The following PCDHA3 variants were observed in gnomAD, a reference collection of about 807,000 sequenced individuals.
PCDHA3 encodes protocadherin alpha-3.
PCDHA3 carries 41 observed loss-of-function variants against 62.2 expected under a neutral mutation model. That is an observed-to-expected ratio of 0.66 (90% CI 0.51 to 0.86). PCDHA3 has a LOEUF of 0.86. PCDHA3 is among the 40% of genes least tolerant of loss of function. The pLI is 0.00. For missense variants in PCDHA3, 1,304 were observed against 1,241.2 expected, an observed-to-expected ratio of 1.05 and a Z score of -0.76; for synonymous variants, 640 against 555.4, an observed-to-expected ratio of 1.15 and a Z score of -2.14.
rs2150161509 is a variant in PCDHA3, at chr5:140,828,980, C to T, written c.2394+25389C>T. On this transcript the variant is annotated intron_variant, in intron 1 of 3. Transcript: ENST00000522353. ...GGTTATTGACCACTTTAGCATAGAT[C>T]GAAATACGGGAGAAATAGTGATTCG... 18 of 1,613,888 alleles carry T rather than the reference C, an allele frequency of 1.1e-5. No homozygotes were observed. In the African/African-American group the frequency reaches 1.7e-4, roughly 16 times the overall value.
chr5:140,991,075 G>A (rs2097430816), intron 3 of PCDHA3, among the ~76,000 whole-genome samples: 1 of 152,134 alleles, frequency 6.6e-6, no homozygotes, highest in Non-Finnish European at 1.5e-5. Flanking sequence ...CCATGTTTCA[G>A]ATAAAAAAAT....
chr5:140,881,300 T>C, intron 1 of PCDHA3: 3 of 957,608 alleles, frequency 3.1e-6, no homozygotes, highest in Non-Finnish European at 3.7e-6. Flanking sequence ...ATGGAAACTT[T>C]AACCTCCTGG....
At chr5:140,806,254 A>G (rs1424134270) in intron 1 of PCDHA3, among the ~76,000 whole-genome samples, 1 of 152,206 alleles carries the variant, frequency 6.6e-6, no homozygotes, top group Non-Finnish European at 1.5e-5. Context: ...AAGCTATTGG[A>G]AGCAGGAAAT....
At chr5:140,949,009 G>A (rs1563235030) in intron 1 of PCDHA3, among the ~76,000 whole-genome samples, 1 of 151,574 alleles carries the variant, frequency 6.6e-6, no homozygotes, top group Non-Finnish European at 1.5e-5. Context: ...ATTTTTATAT[G>A]TGATGTTTTT....
chr5:140,807,783 C>A (rs782393420), intron 1 of PCDHA3: 2 of 1,614,144 alleles, frequency 1.2e-6, no homozygotes, highest in Non-Finnish European at 1.7e-6. Context: ...TTACGGAAAT[C>A]TTTAGACAGA....
rs370676797 is a variant in PCDHA3, at chr5:141,009,968, A to G, written c.*31A>G. On this transcript the variant is annotated 3_prime_UTR_variant, in exon 4 of 4. Transcript: ENST00000522353. ...TCAAATGGAAACAAGCCACTTAGCC[A>G]GTTTTTGTAATAATGGCAAATCTCT... 1.4e-5 allele frequency: 22 copies of G among 1,586,626 alleles called. No homozygotes were observed. The highest frequency in any genetic ancestry group is 1.6e-5 in the Non-Finnish European group (19 of 1,169,786).
intron 1 of PCDHA3, chr5:140,871,628 T>C: frequency 7.1e-7 from 1 of 1,401,496 alleles, no homozygotes; most frequent in South Asian, 1.5e-5. Flanking sequence ...GATAACAATG[T>C]CTGTTCATAA....
intron 1 of PCDHA3, among the ~76,000 whole-genome samples, chr5:140,887,132 T>A (rs2061321769): frequency 6.6e-6 from 1 of 151,950 alleles, no homozygotes; most frequent in Non-Finnish European, 1.5e-5. Context: ...AGTCTCACTC[T>A]GTCGCCCAGG....
intron 1 of PCDHA3, among the ~76,000 whole-genome samples, chr5:140,900,452 T>A (rs2068062293): frequency 6.6e-6 from 1 of 152,222 alleles, no homozygotes; most frequent in South Asian, 2.1e-4. Flanking sequence ...TAATTTTTTA[T>A]TTTTAGTAGA....
In PCDHA3 at chr5:140,843,412, C is replaced by G. The variant is rs2150359416; in HGVS notation, c.2394+39821C>G. On this transcript the variant is annotated intron_variant, in intron 1 of 3. Transcript: ENST00000522353. ...CGGAAGCGGCGCTGGTGGATGTCAA[C>G]GTGTACCTGATCATCGCCATCTGCG... is the stretch of plus-strand genomic sequence containing the variant. 36 of 1,595,950 alleles carry G rather than the reference C, an allele frequency of 2.3e-5. 4 individuals carry two copies. The highest frequency in any genetic ancestry group is 6.6e-5 in the South Asian group (6 of 90,510).
intron 1 of PCDHA3, chr5:140,875,905 T>C (rs1554168057): frequency 2.0e-5 from 32 of 1,614,104 alleles, no homozygotes; most frequent in Non-Finnish European, 1.6e-5. Flanking sequence ...TGTTTCTGAA[T>C]CTGCGCCTCT....
chr5:140,856,920 A>T (rs1554149295), intron 1 of PCDHA3: 1 of 1,595,604 alleles, frequency 6.3e-7, no homozygotes, highest in Admixed American at 1.7e-5. Flanking sequence ...ATAAGAAGGA[A>T]ATTTTGGATA....
chr5:140,925,964 CA>C lies in PCDHA3; in HGVS notation c.2395-52976del, dbSNP rs782520997. Among the ~76,000 whole-genome samples the C allele has an allele frequency of 8.1e-3, 1,224 of 150,190 alleles. 5 individuals carry two copies. The highest frequency in any genetic ancestry group is 0.019 in the African/African-American group (788 of 40,962). ...TGGAGAAGGAGAAACTGCTATCACG[CA>C]AAAAAAAAGCCTTGAGCTCGCTGGC... On this transcript the variant is annotated intron_variant, in intron 1 of 3. Transcript: ENST00000522353.
At chr5:140,943,008 G>A (rs2093405058) in intron 1 of PCDHA3, among the ~76,000 whole-genome samples, 2 of 152,052 alleles carry the variant, frequency 1.3e-5, no homozygotes, top group African/African-American at 4.8e-5. Context: ...TGTAATCCCA[G>A]CACTTTGGGA....
At chr5:140,823,458 G>T (rs1767715131) in intron 1 of PCDHA3, 1 of 1,613,278 alleles carries the variant, frequency 6.2e-7, no homozygotes, top group African/African-American at 1.3e-5. Flanking sequence ...ACGACAACGC[G>T]CCGGCGCTGC....
Position 140,802,426 on chromosome 5 carries a change from A to G in PCDHA3, c.1229A>G (p.Asp410Gly). ...TFKNYYSLVL[D>G]SPLDRESVSA... ...AAGAATTACTACTCATTGGTGCTGGACAGCCCTCTGGACCGCGAGAGCGTG... is the reference window on the plus strand; with the variant it reads ...AAGAATTACTACTCATTGGTGCTGGGCAGCCCTCTGGACCGCGAGAGCGTG... Residue 410 changes from aspartate to glycine, a missense_variant, in exon 1 of 4, where the codon GAC (aspartate) becomes GGC (glycine). Asp to Gly is a moderately conservative substitution (Grantham distance 94). Coordinates refer to ENST00000522353, the MANE Select transcript of PCDHA3 (RefSeq NM_018906.3). 1 of 1,614,230 alleles carries G rather than the reference A, an allele frequency of 6.2e-7. No individual in the cohort carries two copies. The highest frequency in any genetic ancestry group is 8.5e-7 in the Non-Finnish European group (1 of 1,180,038).
chr5:140,958,197 A>G (rs896064147), intron 1 of PCDHA3, among the ~76,000 whole-genome samples: 7 of 152,140 alleles, frequency 4.6e-5, no homozygotes, highest in Non-Finnish European at 1.0e-4. Context: ...CTGGTCTAGT[A>G]TACAAGGGAA....
At chr5:140,843,759 A>T in intron 1 of PCDHA3, 1 of 1,499,994 alleles carries the variant, frequency 6.7e-7, no homozygotes. Flanking sequence ...TATTTGTGGA[A>T]ATTGTAGTTA....
intron 1 of PCDHA3, among the ~76,000 whole-genome samples, chr5:140,806,411 G>A (rs1763727174): frequency 6.6e-6 from 1 of 152,182 alleles, no homozygotes; most frequent in Non-Finnish European, 1.5e-5. Context: ...GAGTTCCAAT[G>A]AATAAAATTA....
Sources: allele counts gnomAD v4.1 joint callset (sites outside exome capture counted in the v4.1 genomes callset), GRCh38; gene constraint gnomAD v4.1.1; transcripts MANE v1.5; gene names NCBI Gene and HGNC (gene_info 2026-07-23, HGNC 2026-07-21).